Variants in PAQR7 observed in about 807,000 individuals in gnomAD.
The protein encoded by PAQR7 is membrane progestin receptor alpha.
In PAQR7, 14 loss-of-function variants were observed where a neutral mutation model predicts 24.6. That is an observed-to-expected ratio of 0.57 (90% CI 0.38 to 0.89). The LOEUF (loss-of-function observed/expected upper bound fraction) is 0.89, where lower values mean the gene tolerates loss of function less well. Among genes scored for constraint, PAQR7 ranks in the 40% least tolerant of loss-of-function variants. PAQR7 has a pLI of 0.00. For missense variants in PAQR7, 351 were observed against 444.0 expected (o/e 0.79, Z 1.88); for synonymous variants, 189 against 198.8 (o/e 0.95, Z 0.42).
At chr1:25,866,984 GC>G (rs1174421455) in intron 2 of PAQR7, among the ~76,000 whole-genome samples, 1 of 151,592 alleles carries the variant, frequency 6.6e-6, no homozygotes, top group Non-Finnish European at 1.5e-5. Context: ...ACCTACCTTG[GC>G]CTCCCAAAGT....
At chr1:25,869,604 A>G (rs1367074367) in intron 2 of PAQR7, among the ~76,000 whole-genome samples, 1 of 151,852 alleles carries the variant, frequency 6.6e-6, no homozygotes, top group Non-Finnish European at 1.5e-5. Flanking sequence ...AGGAAAAAAA[A>G]AAGCTCCTTA....
At chr1:25,868,805 G>A (rs1020426076) in intron 2 of PAQR7, among the ~76,000 whole-genome samples, 3 of 150,670 alleles carry the variant, frequency 2.0e-5, no homozygotes, top group Admixed American at 2.0e-4. Context: ...ATGTGACCAC[G>A]GATTCCTTCC....
At chr1:25,868,888 G>A (rs2048580154) in intron 2 of PAQR7, among the ~76,000 whole-genome samples, 1 of 152,026 alleles carries the variant, frequency 6.6e-6, no homozygotes, top group Non-Finnish European at 1.5e-5. Context: ...CAGCACTTTG[G>A]GAGGCCGAGG....
At chr1:25,872,700 G>A (rs747788560) in intron 1 of PAQR7, among the ~76,000 whole-genome samples, 7 of 150,278 alleles carry the variant, frequency 4.7e-5, no homozygotes, top group Admixed American at 4.0e-4. Context: ...GTGTAGAGAC[G>A]AGGTCTTGCT....
chr1:25,867,477 T>C (rs1350091541), intron 2 of PAQR7, among the ~76,000 whole-genome samples: 1 of 152,218 alleles, frequency 6.6e-6, no homozygotes, highest in Non-Finnish European at 1.5e-5. Flanking sequence ...CAAATAGTTA[T>C]TGAAAAACCT....
Position 25,863,025 on chromosome 1 carries a change from C to T in PAQR7, c.815G>A (p.Gly272Glu), listed in dbSNP as rs1390058771. Residue 272 changes from glycine to glutamate, a missense_variant, in exon 3 of 3, where the codon GGG (glycine) becomes GAG (glutamate). Coordinates refer to ENST00000675840, the MANE Select transcript of PAQR7 (RefSeq NM_178422.6). The surrounding 1 kb of genome is among the most constrained non-coding windows in gnomAD (Gnocchi z 6.1). The part of the protein sequence containing the change: ...RWFPGSCHVF[G>E]QGHQLFHIFL... ...GATGTGGAAAAGTTGGTGGCCCTGC[C>T]CGAAGACATGGCAGCTGCCAGGGAA... is the stretch of plus-strand genomic sequence containing the variant. 3.1e-6 allele frequency: 5 copies of T among 1,614,020 alleles called. No homozygotes were observed. Among genetic ancestry groups the T allele is most frequent in the Admixed American group, 1.7e-5 (1 of 60,008 alleles).
intron 1 of PAQR7, among the ~76,000 whole-genome samples, chr1:25,874,654 G>A (rs1001158974): frequency 2.0e-5 from 3 of 152,178 alleles, no homozygotes; most frequent in Non-Finnish European, 2.9e-5. Context: ...CCCAGGAGCA[G>A]CCAGACTCCG....
Position 25,863,633 on chromosome 1 carries a change from G to A in PAQR7, c.207C>T (p.His69=), listed in dbSNP as rs937878699. The A allele has an allele frequency of 1.2e-6, 2 of 1,614,086 alleles. No homozygotes were observed. The highest frequency in any genetic ancestry group is 1.7e-5 in the Admixed American group (1 of 60,010). The change falls in exon 3 of 3, where the codon CAC becomes CAT. Residue 69 remains histidine (H), a synonymous_variant. Coordinates refer to ENST00000675840, the MANE Select transcript of PAQR7 (RefSeq NM_178422.6). This position sits in a 1 kb window ranked among gnomAD's most constrained non-coding sequence, Gnocchi z 6.1. ...GGGTCCAGACATTCACGGCCTCGTT[G>A]TGCTGCTGGAACAGCGTGCGGAAAT... ...RFYFRTLFQQ[H]NEAVNVWTHL... is the part of the protein sequence containing the mutation.
intron 2 of PAQR7, among the ~76,000 whole-genome samples, chr1:25,868,843 T>C (rs2048579694): frequency 6.6e-6 from 1 of 151,104 alleles, no homozygotes; most frequent in African/African-American, 2.4e-5. Context: ...ATAAAGCCAC[T>C]TGAGGCCGGG....
intron 2 of PAQR7, among the ~76,000 whole-genome samples, chr1:25,865,584 C>T (rs1355818265): frequency 5.9e-5 from 9 of 152,002 alleles, no homozygotes; most frequent in Non-Finnish European, 1.0e-4. Context: ...CCGAGGCGGG[C>T]GGATCATGAG....
At chr1:25,869,752 G>A (rs1444151708) in intron 2 of PAQR7, among the ~76,000 whole-genome samples, 1 of 152,136 alleles carries the variant, frequency 6.6e-6, no homozygotes, top group Non-Finnish European at 1.5e-5. Flanking sequence ...TCTAAAGCAG[G>A]CAACCAGGCT....
rs1376740479 is a variant in PAQR7 at position 25,861,929 on chromosome 1, T to A, written c.*870A>T. ...TACTCGGGAGGCTGAGGCAGGAAAA[T>A]CGCTTGAACCTGGGAGGCGGAGGTG... On this transcript the variant is annotated 3_prime_UTR_variant, in exon 3 of 3. Coordinates refer to ENST00000675840, the MANE Select transcript of PAQR7 (RefSeq NM_178422.6). The A allele has an allele frequency of 7.4e-6, 1 of 135,552 alleles. No individual in the cohort carries two copies. Among genetic ancestry groups the A allele is most frequent in the Non-Finnish European group, 1.5e-5 (1 of 66,104 alleles). The allele number at this position is 135,552 out of a possible 1,614,324, so 8.4% of individuals were successfully genotyped here. A position where few individuals can be genotyped will look rare whatever the true frequency, so the allele number is the denominator to read the frequency against.
At chr1:25,871,677 C>T (rs1332342413) in intron 1 of PAQR7, among the ~76,000 whole-genome samples, 1 of 152,224 alleles carries the variant, frequency 6.6e-6, no homozygotes, top group African/African-American at 2.4e-5. Context: ...GTTCCCATAA[C>T]ACCCGTGGGG....
chr1:25,863,186 A>G lies in PAQR7; in HGVS notation c.654T>C (p.Ile218=), dbSNP rs375103760. Residue 218 remains isoleucine, a synonymous_variant, in exon 3 of 3, where the codon ATT becomes ATC. Transcript: ENST00000675840. The surrounding 1 kb of genome is among the most constrained non-coding windows in gnomAD (Gnocchi z 6.1). ...CGAAGATACGATGCACCACAGGACT[A>G]ATGTCCAGTGCGTAGGCCAGGACGG... is the stretch of plus-strand genomic sequence containing the variant. ...VPSVLAYALD[I]SPVVHRIFVS... is the part of the protein sequence containing the mutation. The G allele has an allele frequency of 1.9e-6, 3 of 1,614,120 alleles. No homozygotes were observed. In the African/African-American group the frequency reaches 4.0e-5, roughly 22 times the overall value.
rs1212518048 is a variant in PAQR7 at position 25,875,474 on chromosome 1, T to A, written c.-109+14A>T. Among the ~76,000 whole-genome samples the A allele has an allele frequency of 6.6e-6, 1 of 151,802 alleles. No individual in the cohort carries two copies. Among genetic ancestry groups the A allele is most frequent in the Admixed American group, 6.6e-5 (1 of 15,256 alleles). On this transcript the variant is annotated intron_variant, in intron 1 of 2. Transcript: ENST00000675840. The surrounding 1 kb of genome is among the most constrained non-coding windows in gnomAD (Gnocchi z 5.4). ...TGCGGCCAGCCAGGCCTCCCCGTCTTGGCAGCCCCGTACCTGAGCCGGAGC... is the reference window on the plus strand; with the variant it reads ...TGCGGCCAGCCAGGCCTCCCCGTCTAGGCAGCCCCGTACCTGAGCCGGAGC...
Position 25,875,066 on chromosome 1 carries a change from C to A in PAQR7, c.-109+422G>T, listed in dbSNP as rs2048638065. Among the ~76,000 whole-genome samples, 4 of 152,222 alleles carry A rather than the reference C, an allele frequency of 2.6e-5. No homozygotes were observed. Among genetic ancestry groups the A allele is most frequent in the African/African-American group, 9.6e-5 (4 of 41,468 alleles). ...CCCTGACTGTCCTGCTCCAGGAAGG[C>A]AGCGGCCTTGCCCGGGCCAGACGCC... On this transcript the variant is annotated intron_variant, in intron 1 of 2. Coordinates refer to ENST00000675840, the MANE Select transcript of PAQR7 (RefSeq NM_178422.6). This position sits in a 1 kb window ranked among gnomAD's most constrained non-coding sequence, Gnocchi z 5.4.
chr1:25,865,786 G>A (rs1320517649), intron 2 of PAQR7, among the ~76,000 whole-genome samples: 2 of 151,158 alleles, frequency 1.3e-5, no homozygotes, highest in East Asian at 3.9e-4. Context: ...CAGCCTGGGC[G>A]ACAGAGTGAG....
chr1:25,865,703 G>A (rs1384133169), intron 2 of PAQR7, among the ~76,000 whole-genome samples: 1 of 152,154 alleles, frequency 6.6e-6, no homozygotes, highest in Non-Finnish European at 1.5e-5. Flanking sequence ...AGCTACTCGG[G>A]AGCTGAGGCA....
At chr1:25,870,156 G>GTGGTCAGCCTCTGAGT (rs1045828954) in intron 2 of PAQR7, among the ~76,000 whole-genome samples, 2 of 152,208 alleles carry the variant, frequency 1.3e-5, no homozygotes, top group Non-Finnish European at 2.9e-5. Flanking sequence ...GGCACCATCA[G>GTGGTCAGCCTCTGAGT]GGCATCCTCT....
Sources: allele counts gnomAD v4.1 joint callset (sites outside exome capture counted in the v4.1 genomes callset), GRCh38; gene constraint gnomAD v4.1.1; non-coding constraint Gnocchi (gnomAD v3.1); transcripts MANE v1.5; gene names NCBI Gene and HGNC (gene_info 2026-07-23, HGNC 2026-07-21).